The following LUC7L2 variants were observed in gnomAD, a reference collection of about 807,000 sequenced individuals.
LUC7L2 encodes putative RNA-binding protein Luc7-like 2.
LUC7L2 carries 25 observed loss-of-function variants against 52.8 expected under a neutral mutation model. That is an observed-to-expected ratio of 0.47 (90% CI 0.34 to 0.66). The LOEUF is 0.66. Among genes scored for constraint, LUC7L2 ranks in the 30% least tolerant of loss-of-function variants. LUC7L2 has a pLI of 0.01. For synonymous variants in LUC7L2, 144 were observed against 160.9 expected (o/e 0.89, Z 0.80); for missense variants, 328 against 497.8 (o/e 0.66, Z 3.25).
At chr7:139,371,355 T>G (rs1385247274) in intron 1 of LUC7L2, 1 of 791,476 alleles carries the variant, frequency 1.3e-6, no homozygotes, top group Non-Finnish European at 2.2e-6. Context: ...CTTTTGAAAT[T>G]ACAATACTAA....
intron 6 of LUC7L2, 103 bp from the exon 7 acceptor site, chr7:139,409,460 C>T (rs1795260742): frequency 7.8e-7 from 1 of 1,285,372 alleles, no homozygotes; most frequent in South Asian, 2.6e-5. Context: ...CAGATTTTGA[C>T]AGCAGTTGTA....
chr7:139,365,547 G>T (rs1359299092), intron 1 of LUC7L2, among the ~76,000 whole-genome samples: 1 of 152,020 alleles, frequency 6.6e-6, no homozygotes, highest in African/African-American at 2.4e-5. Flanking sequence ...AGTAACAGGT[G>T]GTTCATACAA....
chr7:139,342,750 T>C (rs11771715), intron 1 of LUC7L2, among the ~76,000 whole-genome samples: 59,275 of 152,080 alleles, frequency 0.39, 16,179 homozygotes, highest in African/African-American at 0.78. Context: ...GCGTGAACTA[T>C]CAAACCTGGC....
chr7:139,379,026 T>C, intron 2 of LUC7L2, among the ~76,000 whole-genome samples: 1 of 152,174 alleles, frequency 6.6e-6, no homozygotes, highest in East Asian at 1.9e-4. Flanking sequence ...TGCCCTTTAG[T>C]TTGTATTTTT....
rs939193354 is a variant in LUC7L2 at position 139,417,329 on chromosome 7, C to T, written c.810-209C>T. The stretch of plus-strand genomic sequence containing the variant: ...GTGTTGGGATTACAGGTGTGAGCCA[C>T]GGCGCCTGGCTGAGAATTATTAATG... On this transcript the variant is annotated intron_variant, in intron 8 of 9. Coordinates refer to ENST00000354926, the MANE Select transcript of LUC7L2 (RefSeq NM_016019.5). 2.0e-5 allele frequency: 12 copies of T among 600,266 alleles called. No individual in the cohort carries two copies. The Admixed American group carries it at 2.9e-4, about 15-fold the overall frequency. 37.2% of individuals were successfully genotyped at this position (600,266 alleles called of 1,614,324 possible). A position where few individuals can be genotyped will look rare whatever the true frequency, so the allele number is the denominator to read the frequency against.
At chr7:139,341,991 A>T (rs1228686420) in intron 1 of LUC7L2, among the ~76,000 whole-genome samples, 2 of 152,240 alleles carry the variant, frequency 1.3e-5, no homozygotes, top group Admixed American at 1.3e-4. Flanking sequence ...GAAAAGAACA[A>T]CTGGGCTTTA....
At chr7:139,351,092 G>GTT (rs975471838) in intron 1 of LUC7L2, among the ~76,000 whole-genome samples, 1 of 152,048 alleles carries the variant, frequency 6.6e-6, no homozygotes, top group Admixed American at 6.6e-5. Context: ...ACCCTACATG[G>GTT]TTTCCCCTGA....
chr7:139,341,141 G>C, intron 1 of LUC7L2: 2 of 492,918 alleles, frequency 4.1e-6, no homozygotes, highest in South Asian at 5.0e-5. Flanking sequence ...CCAAACCCTT[G>C]TTCTGGGTTA....
At chr7:139,389,882 A>G (rs556782375) in intron 2 of LUC7L2, among the ~76,000 whole-genome samples, 2 of 152,216 alleles carry the variant, frequency 1.3e-5, no homozygotes, top group Admixed American at 6.5e-5. Context: ...TAAACATCTT[A>G]CTTGATCTGA....
At chr7:139,395,654 C>T (rs1373810561) in intron 2 of LUC7L2, among the ~76,000 whole-genome samples, 1 of 152,028 alleles carries the variant, frequency 6.6e-6, no homozygotes, top group Non-Finnish European at 1.5e-5. Flanking sequence ...TTTGTTTTTA[C>T]TTTTGAGACA....
At chr7:139,401,577 C>T (rs547223835) in intron 3 of LUC7L2, among the ~76,000 whole-genome samples, 37 of 151,920 alleles carry the variant, frequency 2.4e-4, no homozygotes, top group Non-Finnish European at 4.9e-4. Context: ...CTCAGCCTCC[C>T]GAGTAGCTGG....
intron 2 of LUC7L2, among the ~76,000 whole-genome samples, chr7:139,397,017 C>T (rs763188757): frequency 2.0e-5 from 3 of 152,058 alleles, no homozygotes; most frequent in Non-Finnish European, 2.9e-5. Flanking sequence ...AATTAATTAT[C>T]ATACGTTTGT....
intron 8 of LUC7L2, among the ~76,000 whole-genome samples, chr7:139,413,862 C>T (rs949988969): frequency 1.3e-5 from 2 of 152,210 alleles, no homozygotes; most frequent in Admixed American, 6.5e-5. Context: ...AACTAAAGAA[C>T]ATTAATAAGT....
chr7:139,360,959 A>G (rs1290120497), intron 1 of LUC7L2, among the ~76,000 whole-genome samples: 2 of 152,214 alleles, frequency 1.3e-5, no homozygotes, highest in Non-Finnish European at 2.9e-5. Context: ...ATTTTGTTAG[A>G]CAATTTAATA....
chr7:139,402,826 C>T (rs1794973563), intron 4 of LUC7L2, among the ~76,000 whole-genome samples: 1 of 152,094 alleles, frequency 6.6e-6, no homozygotes, highest in Non-Finnish European at 1.5e-5. Flanking sequence ...GCCTGGCCAG[C>T]TCTCTGCAGT....
chr7:139,387,996 T>C (rs1301299752), intron 2 of LUC7L2, among the ~76,000 whole-genome samples: 1 of 152,168 alleles, frequency 6.6e-6, no homozygotes, highest in Non-Finnish European at 1.5e-5. Flanking sequence ...CTCATTTTTG[T>C]TTACACTCTT....
At chr7:139,367,155 A>G (rs1800201583) in intron 1 of LUC7L2, among the ~76,000 whole-genome samples, 2 of 151,964 alleles carry the variant, frequency 1.3e-5, no homozygotes, top group Admixed American at 6.6e-5. Flanking sequence ...TATTTTTAGT[A>G]GAGATGAGGT....
At chr7:139,419,350 A>G (rs1009645399) in intron 9 of LUC7L2, among the ~76,000 whole-genome samples, 1 of 152,232 alleles carries the variant, frequency 6.6e-6, no homozygotes, top group African/African-American at 2.4e-5. Flanking sequence ...TAGGAAAAAG[A>G]TATTCCATAT....
upstream of LUC7L2, among the ~76,000 whole-genome samples, chr7:139,356,124 T>C (rs1017953038): frequency 5.3e-5 from 8 of 151,750 alleles, no homozygotes; most frequent in African/African-American, 1.7e-4. Flanking sequence ...CTGGGCAACA[T>C]AGGGAGACCT....
Sources: gnomAD v4.1 joint callset for allele counts (sites outside exome capture counted in the v4.1 genomes callset) on GRCh38, gnomAD v4.1.1 for gene constraint, MANE v1.5 for transcripts, NCBI Gene and HGNC (gene_info 2026-07-23, HGNC 2026-07-21) for gene names.